The following ABCA3 variants were observed in gnomAD, a reference collection of about 807,000 sequenced individuals.
ABCA3 encodes ATP binding cassette subfamily A member 3.
ABCA3 carries 88 observed loss-of-function variants against 172.8 expected under a neutral mutation model. The observed-to-expected ratio is 0.51, with a 90% confidence interval of 0.43 to 0.61. The LOEUF (loss-of-function observed/expected upper bound fraction) is 0.61. Ranked by LOEUF, ABCA3 falls within the 20% of genes least tolerant of loss-of-function variation. ABCA3 has a pLI of 0.00. For missense variants in ABCA3, 2,164 were observed against 2,301.0 expected, an observed-to-expected ratio of 0.94 and a Z score of 1.22; for synonymous variants, 1,066 against 983.8, an observed-to-expected ratio of 1.08 and a Z score of -1.56.
chr16:2,297,737 A>G lies in ABCA3; in HGVS notation c.2052+29T>C. On this transcript the variant is annotated intron_variant, in intron 16 of 32. Transcript: ENST00000301732. The surrounding 1 kb of genome is among the most constrained non-coding windows in gnomAD (Gnocchi z 5.6). ...CCATCCCAGGTCGAGCAGGAGGGGA[A>G]CCCACTGCCTCCAGTCCCACCGCCA... The G allele has an allele frequency of 2.5e-6, 4 of 1,606,850 alleles. No individual in the cohort carries two copies. The highest frequency in any genetic ancestry group is 3.4e-6 in the Non-Finnish European group (4 of 1,179,910).
Position 2,281,771 on chromosome 16 carries a change from A to G in ABCA3, c.4036-262T>C, listed in dbSNP as rs2093655593. 6.6e-6 allele frequency among the ~76,000 whole-genome samples: 1 copy of G among 151,938 alleles called. No individual in the cohort carries two copies. The highest frequency in any genetic ancestry group is 1.5e-5 in the Non-Finnish European group (1 of 67,984). On this transcript the variant is annotated intron_variant, in intron 26 of 32. Transcript: ENST00000301732. This position sits in a 1 kb window ranked among gnomAD's most constrained non-coding sequence, Gnocchi z 4.7. Reference sequence around the variant, plus strand: ...CGGGACTCATGGAGAAAAATCATAAATCTGCTGGGGAATATAAAATAAGAT... The same window carrying G: ...CGGGACTCATGGAGAAAAATCATAAGTCTGCTGGGGAATATAAAATAAGAT...
intron 8 of ABCA3, among the ~76,000 whole-genome samples, chr16:2,319,173 A>C (rs188017019): frequency 6.6e-6 from 1 of 152,148 alleles, no homozygotes; most frequent in East Asian, 1.9e-4. Context: ...CAAGAGTTTG[A>C]GACCAGCCTT....
chr16:2,314,490 G>A (rs2093711679), intron 10 of ABCA3, among the ~76,000 whole-genome samples: 1 of 151,976 alleles, frequency 6.6e-6, no homozygotes, highest in Admixed American at 6.6e-5. Flanking sequence ...CACAGGGACT[G>A]TTTCAGTCGG....
At chr16:2,324,318 C>T in intron 6 of ABCA3, 86 bp downstream of exon 6, 6 of 1,517,332 alleles carry the variant, frequency 4.0e-6, no homozygotes, top group Non-Finnish European at 5.3e-6. Context: ...GAAAGCAGTG[C>T]CTTTTACAGG....
At chr16:2,301,831 G>C (rs2093689958) in intron 12 of ABCA3, among the ~76,000 whole-genome samples, 1 of 152,194 alleles carries the variant, frequency 6.6e-6, no homozygotes, top group South Asian at 2.1e-4. Flanking sequence ...GTGGTTTGTT[G>C]GGAGCAAGCC....
Position 2,286,557 on chromosome 16 carries a change from T to G in ABCA3, c.3278+137A>C. 1 of 1,165,530 alleles carries G rather than the reference T, an allele frequency of 8.6e-7. No individual in the cohort carries two copies. The highest frequency in any genetic ancestry group is 1.2e-6 in the Non-Finnish European group (1 of 828,024). 72.2% of individuals were successfully genotyped at this position (1,165,530 alleles called of 1,614,324 possible). ...GGGCTGTGGATGGTGGAGGAGGATG[T>G]GGCAGGGGTTTCCCACCAGACCCAG... On this transcript the variant is annotated intron_variant, in intron 22 of 32. Coordinates refer to ENST00000301732, the MANE Select transcript of ABCA3 (RefSeq NM_001089.3). This position sits in a 1 kb window ranked among gnomAD's most constrained non-coding sequence, Gnocchi z 5.2.
At position 2,331,479 on chromosome 16, in the gene ABCA3, G is replaced by A. The variant is rs150424440; in HGVS notation, c.-538-1625C>T. 4.5e-3 allele frequency among the ~76,000 whole-genome samples: 682 copies of A among 152,318 alleles called. 4 individuals are homozygous for A. Among genetic ancestry groups the A allele is most frequent in the South Asian group, 0.011 (54 of 4,824 alleles). On this transcript the variant is annotated intron_variant, in intron 1 of 32. Transcript: ENST00000301732. ...CTCCCAAAGTGTGGGGATTACAGGC[G>A]TGAGCCACTGTGCCCTGCCGAGGTT... is the stretch of plus-strand genomic sequence containing the variant.
intron 8 of ABCA3, among the ~76,000 whole-genome samples, chr16:2,318,688 T>C (rs2141731673): frequency 6.6e-6 from 1 of 152,138 alleles, no homozygotes; most frequent in East Asian, 1.9e-4. Flanking sequence ...AATTTTTGTA[T>C]TTTTAGTAGA....
chr16:2,328,498 A>T lies in ABCA3; in HGVS notation c.-72T>A. 2.0e-6 allele frequency: 1 copy of T among 512,650 alleles called. No individual in the cohort carries two copies. The highest frequency in any genetic ancestry group is 3.9e-6 in the Non-Finnish European group (1 of 257,154). 31.8% of individuals were successfully genotyped at this position (512,650 alleles called of 1,614,324 possible). A position where few individuals can be genotyped will look rare whatever the true frequency, so the allele number is the denominator to read the frequency against. On this transcript the variant is annotated 5_prime_UTR_variant, in exon 3 of 33. An upstream open reading frame in the 5' UTR gains an earlier in-frame stop. Transcript: ENST00000301732. The stretch of plus-strand genomic sequence containing the variant: ...CTGAGTAAGTTCAAGTAGGCGCTGC[A>T]ACCCGCAGGAAATAGGAGAAACGTG...
chr16:2,295,824 C>T (rs1407563715), intron 17 of ABCA3, 84 bp from the exon 18 acceptor site: 27 of 1,589,330 alleles, frequency 1.7e-5, no homozygotes, highest in Non-Finnish European at 2.1e-5. Flanking sequence ...GGGCTCACAC[C>T]AGGCAAGCTG....
At position 2,291,820 on chromosome 16, in the gene ABCA3, T is replaced by C. The variant is rs946295385; in HGVS notation, c.2513+320A>G. On this transcript the variant is annotated intron_variant, in intron 19 of 32. Coordinates refer to ENST00000301732, the MANE Select transcript of ABCA3 (RefSeq NM_001089.3). ...TGAGCACGGTGCCTCACGCCTGTAATACCAGCACTTTGGGAGGCCAAGGTG... is the reference window on the plus strand; with the variant it reads ...TGAGCACGGTGCCTCACGCCTGTAACACCAGCACTTTGGGAGGCCAAGGTG... Among the ~76,000 whole-genome samples the C allele has an allele frequency of 2.0e-5, 3 of 151,922 alleles. No homozygotes were observed. In the East Asian group the frequency reaches 5.8e-4, roughly 30 times the overall value.
rs1462796781 is a variant in ABCA3, at chr16:2,299,549, G to C, written c.1612-17C>G. On this transcript the variant is annotated splice_polypyrimidine_tract_variant and intron_variant, in intron 13 of 32. Coordinates refer to ENST00000301732, the MANE Select transcript of ABCA3 (RefSeq NM_001089.3). Reference sequence around the variant, plus strand: ...CCTGAACACCTGCAGGAAAGGCAGAGGCTGCCCTGGGCTACCCACAGCCCC... The same window carrying C: ...CCTGAACACCTGCAGGAAAGGCAGACGCTGCCCTGGGCTACCCACAGCCCC... 6.2e-7 allele frequency: 1 copy of C among 1,611,768 alleles called. No homozygotes were observed. The highest frequency in any genetic ancestry group is 1.3e-5 in the African/African-American group (1 of 75,040).
intron 12 of ABCA3, among the ~76,000 whole-genome samples, chr16:2,302,482 T>A (rs1368463117): frequency 6.6e-6 from 1 of 151,900 alleles, no homozygotes; most frequent in Non-Finnish European, 1.5e-5. Flanking sequence ...TTTTTTACAA[T>A]ATGATTCTTT....
rs779965868 is a variant in ABCA3 at position 2,286,849 on chromosome 16, C to G, written c.3123G>C (p.Leu1041Phe). The change falls in exon 22 of 33, where the codon TTG becomes TTC. Residue 1041 changes from leucine to phenylalanine, a missense_variant. This residue lies in a region of ABCA3 where 26 missense variants were observed against 49.5 expected (regional missense o/e 0.53). Coordinates refer to ENST00000301732, the MANE Select transcript of ABCA3 (RefSeq NM_001089.3). The surrounding 1 kb of genome is among the most constrained non-coding windows in gnomAD (Gnocchi z 5.2). ...GAGAGTGGTACGCCTGGTTGTTGAA[C>G]AAGGCGTTGACGACCGTGCGCTCTC... is the stretch of plus-strand genomic sequence containing the variant. ...DVGERTVVNA[L>F]FNNQAYHSPA... 3 of 1,614,138 alleles carry G rather than the reference C, an allele frequency of 1.9e-6. No homozygotes were observed. The highest frequency in any genetic ancestry group is 1.7e-6 in the Non-Finnish European group (2 of 1,180,028).
intron 10 of ABCA3, among the ~76,000 whole-genome samples, chr16:2,310,305 G>C (rs1456374067): frequency 6.6e-6 from 1 of 151,936 alleles, no homozygotes; most frequent in Non-Finnish European, 1.5e-5. Flanking sequence ...CTACTCAGGA[G>C]GCTGAGGCAG....
At chr16:2,311,160 G>A (rs1369390932) in intron 10 of ABCA3, among the ~76,000 whole-genome samples, 1 of 151,822 alleles carries the variant, frequency 6.6e-6, no homozygotes, top group Non-Finnish European at 1.5e-5. Flanking sequence ...TTTTAGTAGA[G>A]ACGGGGTTTC....
At chr16:2,305,090 G>A (rs751764390) in intron 11 of ABCA3, among the ~76,000 whole-genome samples, 2 of 151,990 alleles carry the variant, frequency 1.3e-5, no homozygotes, top group African/African-American at 2.4e-5. Context: ...TAGGATTACA[G>A]GTGTGAGCCA....
rs776452959 is a variant in ABCA3, at chr16:2,288,131, C to T, written c.2899G>A (p.Val967Ile). Residue 967 changes from valine to isoleucine, a missense_variant, in exon 21 of 33, where the codon GTC (valine) becomes ATC (isoleucine). Transcript: ENST00000301732. ...RLTLGEYGRT[V>I]VPFSVPGTSQ... ...GTCCCGGGAACTGAGAAGGGCACGA[C>T]GGTTCTGCCGTACTCGCCCAAGGTC... is the stretch of plus-strand genomic sequence containing the variant. 3.1e-6 allele frequency: 5 copies of T among 1,612,732 alleles called. No individual in the cohort carries two copies. The highest frequency in any genetic ancestry group is 2.2e-5 in the East Asian group (1 of 44,818).
chr16:2,291,082 G>A (rs2093671303), intron 19 of ABCA3, among the ~76,000 whole-genome samples: 1 of 151,996 alleles, frequency 6.6e-6, no homozygotes, highest in South Asian at 2.1e-4. Context: ...GGTGGCTCAC[G>A]CCTGTAATCC....
Sources: allele counts gnomAD v4.1 joint callset (sites outside exome capture counted in the v4.1 genomes callset), GRCh38; gene constraint gnomAD v4.1.1; regional missense constraint gnomAD v4.1.1; non-coding constraint Gnocchi (gnomAD v3.1); transcripts MANE v1.5; gene names NCBI Gene and HGNC (gene_info 2026-07-23, HGNC 2026-07-21).